Variants in NMUR2 observed in about 807,000 individuals in gnomAD.
NMUR2 encodes the protein neuromedin U receptor 2.
NMUR2 carries 24 observed loss-of-function variants against 25.1 expected under a neutral mutation model. The observed-to-expected ratio is 0.96, with a 90% CI of 0.69 to 1.34. The LOEUF is 1.34. NMUR2 is among the 40% of genes most tolerant of loss of function. NMUR2 has a pLI of 0.00. For missense variants in NMUR2, 533 were observed against 512.8 expected, an observed-to-expected ratio of 1.04 and a Z score of -0.38; for synonymous variants, 218 against 208.1, an observed-to-expected ratio of 1.05 and a Z score of -0.41.
intron 3 of NMUR2, among the ~76,000 whole-genome samples, chr5:152,393,589 T>A (rs1357699380): frequency 1.3e-5 from 2 of 152,204 alleles, no homozygotes; most frequent in East Asian, 3.8e-4. Context: ...GACTTTGTTC[T>A]CCAAGATCTT....
chr5:152,400,102 A>G (rs7341041), intron 1 of NMUR2, among the ~76,000 whole-genome samples: 34,685 of 152,000 alleles, frequency 0.23, 3,994 homozygotes, highest in East Asian at 0.29. Context: ...CAGTCTTCCT[A>G]ACAAACATAT....
At position 152,398,148 on chromosome 5, in the gene NMUR2, A is replaced by G. The variant is rs752525544; in HGVS notation, c.727-4T>C. Reference sequence around the variant, plus strand: ...CAAGAGATTTGTCTTTCTTTAGCTGAAAGGGAAGTAAGTTGGGAGAGATAG... The same window carrying G: ...CAAGAGATTTGTCTTTCTTTAGCTGGAAGGGAAGTAAGTTGGGAGAGATAG... On this transcript the variant is annotated splice_region_variant and splice_polypyrimidine_tract_variant and intron_variant, in intron 1 of 3. Coordinates refer to ENST00000255262, the MANE Select transcript of NMUR2 (RefSeq NM_020167.5). 71 of 1,605,722 alleles carry G rather than the reference A, an allele frequency of 4.4e-5. No homozygotes were observed. The East Asian group carries it at 9.6e-4, about 22-fold the overall frequency.
rs983324888 is a variant in NMUR2, at chr5:152,392,093, GC to G, written c.*97del. ...AGCAATGGGTACATGAGTTGTAAGA[GC>G]CATTCTACCTCTCTAATATCATATG... On this transcript the variant is annotated 3_prime_UTR_variant, in exon 4 of 4. Coordinates refer to ENST00000255262, the MANE Select transcript of NMUR2 (RefSeq NM_020167.5). The G allele has an allele frequency of 2.9e-6, 3 of 1,028,662 alleles. No individual in the cohort carries two copies. Among genetic ancestry groups the G allele is most frequent in the Non-Finnish European group, 4.3e-6 (3 of 693,038 alleles). 63.7% of individuals were successfully genotyped at this position (1,028,662 alleles called of 1,614,324 possible).
chr5:152,398,940 C>T (rs1209246912), intron 1 of NMUR2, among the ~76,000 whole-genome samples: 1 of 152,150 alleles, frequency 6.6e-6, no homozygotes, highest in Non-Finnish European at 1.5e-5. Context: ...ACATTTGAAA[C>T]TTTCAGCTAT....
In NMUR2 at chr5:152,392,265, G is replaced by T. The variant is rs1406968838; in HGVS notation, c.1174C>A (p.His392Asn). The T allele has an allele frequency of 5.0e-6, 8 of 1,613,930 alleles. No homozygotes were observed. The highest frequency in any genetic ancestry group is 6.8e-6 in the Non-Finnish European group (8 of 1,179,872). Reference protein sequence around the residue: ...FPCQSSMHNSHLPAALSSEQM... With the variant: ...FPCQSSMHNSNLPAALSSEQM... ...TCACTAGAGAGGGCTGCTGGGAGGT[G>T]AGAGTTGTGCATGGATGACTGACAT... Residue 392 changes from histidine (H) to asparagine (N), a missense_variant, in exon 4 of 4, where the codon CAC becomes AAC. By Grantham distance (68) the His-to-Asn change is moderately conservative. Coordinates refer to ENST00000255262, the MANE Select transcript of NMUR2 (RefSeq NM_020167.5).
chr5:152,405,053 G>T lies in NMUR2; in HGVS notation c.61C>A (p.Pro21Thr). 6.2e-7 allele frequency: 1 copy of T among 1,613,796 alleles called. No homozygotes were observed. Residue 21 changes from proline (P) to threonine (T), a missense_variant, in exon 1 of 4, where the codon CCA becomes ACA. Coordinates refer to ENST00000255262, the MANE Select transcript of NMUR2 (RefSeq NM_020167.5). Reference sequence around the variant, plus strand: ...GTGCTGTTCAGGTGTTTCTGGAATGGATCTTCTAGTTTCTGCTGGTAGATC... The same window carrying T: ...GTGCTGTTCAGGTGTTTCTGGAATGTATCTTCTAGTTTCTGCTGGTAGATC... ...SWIYQQKLEDPFQKHLNSTEE... is the reference protein window; with the variant it reads ...SWIYQQKLEDTFQKHLNSTEE...
intron 1 of NMUR2, among the ~76,000 whole-genome samples, chr5:152,401,747 C>T (rs903910457): frequency 6.6e-6 from 1 of 152,186 alleles, no homozygotes; most frequent in Non-Finnish European, 1.5e-5. Flanking sequence ...GCCTGGAGAA[C>T]AGCTCAGTGG....
chr5:152,400,436 G>A (rs924982810), intron 1 of NMUR2, among the ~76,000 whole-genome samples: 1 of 152,258 alleles, frequency 6.6e-6, no homozygotes, highest in Non-Finnish European at 1.5e-5. Context: ...ATACTAAAGA[G>A]ACATCAGAAA....
Position 152,405,182 on chromosome 5 carries a change from A to AC in NMUR2, c.-70_-69insG. 2 of 1,493,202 alleles carry AC rather than the reference A, an allele frequency of 1.3e-6. No individual in the cohort carries two copies. Among genetic ancestry groups the AC allele is most frequent in the South Asian group, 1.4e-5 (1 of 72,512 alleles). 92.5% of individuals were successfully genotyped at this position (1,493,202 alleles called of 1,614,324 possible). ...CAAGCTGAGCCAGGAAAAAAAAAAA[A>AC]AAAAGAAAAAAGGAAAACAAAAAAG... On this transcript the variant is annotated 5_prime_UTR_variant, in exon 1 of 4. Coordinates refer to ENST00000255262, the MANE Select transcript of NMUR2 (RefSeq NM_020167.5).
Position 152,392,434 on chromosome 5 carries a change from C to T in NMUR2, c.1005G>A (p.Gln335=), listed in dbSNP as rs770676891. 1 of 1,613,980 alleles carries T rather than the reference C, an allele frequency of 6.2e-7. No individual in the cohort carries two copies. Among genetic ancestry groups the T allele is most frequent in the Non-Finnish European group, 8.5e-7 (1 of 1,179,952 alleles). ...IIYNLLSRRF[Q]AAFQNVISSF... ...AAGAGATCACATTCTGGAATGCTGCCTGGAAGCGGCGAGACAGTAGGTTAT... is the reference window on the plus strand; with the variant it reads ...AAGAGATCACATTCTGGAATGCTGCTTGGAAGCGGCGAGACAGTAGGTTAT... Residue 335 remains glutamine, a synonymous_variant, in exon 4 of 4, where the codon CAG becomes CAA. Coordinates refer to ENST00000255262, the MANE Select transcript of NMUR2 (RefSeq NM_020167.5).
intron 1 of NMUR2, among the ~76,000 whole-genome samples, chr5:152,403,499 A>C (rs1753293071): frequency 6.6e-6 from 1 of 152,128 alleles, no homozygotes; most frequent in African/African-American, 2.4e-5. Context: ...CTGAAAAAGA[A>C]ATCAGTTTAC....
In NMUR2 at chr5:152,397,012, G is replaced by GTTTTTTTTTTTTT. The variant is rs769998163; in HGVS notation, c.811+1035_811+1047dup. On this transcript the variant is annotated intron_variant, in intron 2 of 3. Transcript: ENST00000255262. ...TGACTTTAATATGAGTGAGCTTCAT[G>GTTTTTTTTTTTTT]TTTTTTTTTTTTTTTTTTTGTGAGA... is the stretch of plus-strand genomic sequence containing the variant. Among the ~76,000 whole-genome samples the GTTTTTTTTTTTTT allele has an allele frequency of 9.9e-4, 105 of 105,714 alleles. 3 individuals are homozygous for GTTTTTTTTTTTTT. Among genetic ancestry groups the GTTTTTTTTTTTTT allele is most frequent in the Admixed American group, 2.2e-3 (21 of 9,536 alleles). 69.4% of individuals were successfully genotyped at this position (105,714 alleles called of 152,430 possible).
Position 152,404,907 on chromosome 5 carries a change from C to T in NMUR2, c.207G>A (p.Val69=), listed in dbSNP as rs147872813. The part of the protein sequence containing the change: ...GVIGNVLVCL[V]ILQHQAMKTP... Reference sequence around the variant, plus strand: ...TCTTCATAGCCTGGTGCTGCAGAATCACCAGGCACACCAGGACATTGCCAA... The same window carrying T: ...TCTTCATAGCCTGGTGCTGCAGAATTACCAGGCACACCAGGACATTGCCAA... Residue 69 remains valine (V), a synonymous_variant, in exon 1 of 4, where the codon GTG becomes GTA. Coordinates refer to ENST00000255262, the MANE Select transcript of NMUR2 (RefSeq NM_020167.5). The T allele has an allele frequency of 1.1e-4, 176 of 1,613,942 alleles. No homozygotes were observed. Among genetic ancestry groups the T allele is most frequent in the Non-Finnish European group, 1.4e-4 (164 of 1,180,010 alleles).
chr5:152,403,543 A>C (rs938577833), intron 1 of NMUR2, among the ~76,000 whole-genome samples: 1 of 151,964 alleles, frequency 6.6e-6, no homozygotes, highest in African/African-American at 2.4e-5. Context: ...CTCTAATTAT[A>C]TATGTTGCAA....
chr5:152,404,978 G>A lies in NMUR2; in HGVS notation c.136C>T (p.Leu46Phe), dbSNP rs745603901. 1 of 1,614,030 alleles carries A rather than the reference G, an allele frequency of 6.2e-7. No homozygotes were observed. Among genetic ancestry groups the A allele is most frequent in the Non-Finnish European group, 8.5e-7 (1 of 1,179,988 alleles). ...LCGPRRSHFFLPVSVVYVPIF... is the reference protein window; with the variant it reads ...LCGPRRSHFFFPVSVVYVPIF... ...GGCACATACACCACAGACACGGGGA[G>A]GAAGAAGTGGCTGCGCCGAGGTCCG... is the stretch of plus-strand genomic sequence containing the variant. Residue 46 changes from leucine to phenylalanine, a missense_variant, in exon 1 of 4, where the codon CTC (leucine) becomes TTC (phenylalanine). Leu to Phe is a conservative substitution (Grantham distance 22). Transcript: ENST00000255262.
intron 3 of NMUR2, among the ~76,000 whole-genome samples, chr5:152,393,232 C>T (rs1280166429): frequency 1.3e-5 from 2 of 152,170 alleles, no homozygotes; most frequent in Non-Finnish European, 2.9e-5. Context: ...CAAACCCTGG[C>T]ACTTCAGTTT....
At chr5:152,398,229 C>A in intron 1 of NMUR2, 85 bp from the exon 2 acceptor site, 1 of 912,398 alleles carries the variant, frequency 1.1e-6, no homozygotes. Context: ...AACTCAAACG[C>A]TCATTTTGAA....
rs577618477 is a variant in NMUR2 at position 152,396,171 on chromosome 5, T to A, written c.812-587A>T. Among the ~76,000 whole-genome samples, 18 of 151,628 alleles carry A rather than the reference T, an allele frequency of 1.2e-4. No homozygotes were observed. In the South Asian group the frequency reaches 3.1e-3, roughly 26 times the overall value. On this transcript the variant is annotated intron_variant, in intron 2 of 3. Coordinates refer to ENST00000255262, the MANE Select transcript of NMUR2 (RefSeq NM_020167.5). Reference sequence around the variant, plus strand: ...AGACTGGTATTTCTGTAGTTTTTCTTTGGGGCATTTAAGCTCCACAAATTA... The same window carrying A: ...AGACTGGTATTTCTGTAGTTTTTCTATGGGGCATTTAAGCTCCACAAATTA...
chr5:152,395,533 C>A lies in NMUR2; in HGVS notation c.863G>T (p.Arg288Leu). 6.2e-7 allele frequency: 1 copy of A among 1,613,498 alleles called. No individual in the cohort carries two copies. Among genetic ancestry groups the A allele is most frequent in the South Asian group, 1.1e-5 (1 of 91,034 alleles). ...AICWAPFHIDRLFFSFVEEWS... is the reference protein window; with the variant it reads ...AICWAPFHIDLLFFSFVEEWS... ...CTCCTCCACAAAGCTGAAGAAGAGT[C>A]GGTCAATGTGGAACGGGGCCCAACA... Residue 288 changes from arginine (R) to leucine (L), a missense_variant, in exon 3 of 4, where the codon CGA (arginine) becomes CTA (leucine). Physicochemically the swap from Arg to Leu is moderately radical, Grantham distance 102. Coordinates refer to ENST00000255262, the MANE Select transcript of NMUR2 (RefSeq NM_020167.5).
Sources: allele counts gnomAD v4.1 joint callset (sites outside exome capture counted in the v4.1 genomes callset), GRCh38; gene constraint gnomAD v4.1.1; transcripts MANE v1.5; gene names NCBI Gene and HGNC (gene_info 2026-07-23, HGNC 2026-07-21).